Variants in AFF3 observed in about 807,000 individuals in gnomAD.
The protein encoded by AFF3 is AF4/FMR2 family member 3.
Under a neutral mutation model 129.7 loss-of-function variants are expected in AFF3, and 32 were observed. That is an observed-to-expected ratio of 0.25 (90% CI 0.19 to 0.33). The LOEUF (loss-of-function observed/expected upper bound fraction) is 0.33. Ranked by LOEUF, AFF3 falls within the 10% of genes least tolerant of loss-of-function variation. The probability of loss-of-function intolerance (pLI) is 1.00; values close to 1 mark genes in which losing one functional copy is unlikely to be tolerated. For synonymous variants in AFF3, 644 were observed against 635.4 expected, an observed-to-expected ratio of 1.01 and a Z score of -0.20; for missense variants, 1,373 against 1,592.0, an observed-to-expected ratio of 0.86 and a Z score of 2.34.
chr2:99,946,629 T>C (rs1173697482), intron 7 of AFF3, among the ~76,000 whole-genome samples: 1 of 151,998 alleles, frequency 6.6e-6, no homozygotes, highest in Non-Finnish European at 1.5e-5. Flanking sequence ...GACTGACAGT[T>C]ACCAAAATAT....
chr2:99,585,137 T>A (rs946762514), intron 16 of AFF3, among the ~76,000 whole-genome samples: 1 of 152,240 alleles, frequency 6.6e-6, no homozygotes, highest in African/African-American at 2.4e-5. Context: ...ACAGCCTGAT[T>A]ATAATTGTTT....
intron 11 of AFF3, among the ~76,000 whole-genome samples, chr2:99,711,471 G>A (rs1037370092): frequency 6.6e-6 from 1 of 152,194 alleles, no homozygotes; most frequent in Admixed American, 6.5e-5. Context: ...TATGGTCCCA[G>A]GCTGCCTGAG....
intron 20 of AFF3, among the ~76,000 whole-genome samples, chr2:99,561,380 A>G (rs984423436): frequency 6.6e-6 from 1 of 152,170 alleles, no homozygotes; most frequent in Non-Finnish European, 1.5e-5. Flanking sequence ...TCTTTGCATA[A>G]TTTTTACAGC....
intron 9 of AFF3, among the ~76,000 whole-genome samples, chr2:99,746,259 A>G (rs1376321033): frequency 6.6e-6 from 1 of 152,152 alleles, no homozygotes; most frequent in African/African-American, 2.4e-5. Context: ...ATCCATTGAA[A>G]TTGAATGAAC....
chr2:100,058,850 G>C (rs767628976), intron 4 of AFF3, among the ~76,000 whole-genome samples: 47 of 152,082 alleles, frequency 3.1e-4, no homozygotes, highest in Non-Finnish European at 6.2e-4. Flanking sequence ...GATACACACA[G>C]AATGGGAGAA....
At chr2:99,843,991 C>G (rs1374013075) in intron 7 of AFF3, among the ~76,000 whole-genome samples, 1 of 152,084 alleles carries the variant, frequency 6.6e-6, no homozygotes. Flanking sequence ...GAGTGCACCA[C>G]TGCACTCCAG....
intron 7 of AFF3, among the ~76,000 whole-genome samples, chr2:99,989,853 G>T (rs1195548794): frequency 6.6e-6 from 1 of 152,170 alleles, no homozygotes; most frequent in Non-Finnish European, 1.5e-5. Flanking sequence ...TCACTTGAAA[G>T]TAAGATCATT....
chr2:100,110,251 T>G (rs1186568452), intron 2 of AFF3: 1 of 152,210 alleles, frequency 6.6e-6, no homozygotes, highest in East Asian at 1.9e-4. Context: ...CATAAACCTT[T>G]TCTTGTTTAA....
intron 13 of AFF3, among the ~76,000 whole-genome samples, chr2:99,622,844 G>C (rs1030813326): frequency 1.3e-5 from 2 of 152,320 alleles, no homozygotes; most frequent in South Asian, 2.1e-4. Context: ...GCTGGGCATG[G>C]GCACAGGCAG....
intron 11 of AFF3, among the ~76,000 whole-genome samples, chr2:99,677,006 T>G (rs1407793353): frequency 6.6e-6 from 1 of 152,120 alleles, no homozygotes; most frequent in Non-Finnish European, 1.5e-5. Flanking sequence ...CGGTGGCTTG[T>G]TCCTGTAATC....
rs577375662 is a variant in AFF3, at chr2:99,587,348, C to T, written c.2467-70G>A. Reference sequence around the variant, plus strand: ...GGTATTATGAGTTCCCAGGCACCGACTTCCACAGAGCAAGGCCTCCTGGGA... The same window carrying T: ...GGTATTATGAGTTCCCAGGCACCGATTTCCACAGAGCAAGGCCTCCTGGGA... On this transcript the variant is annotated intron_variant, in intron 15 of 24. Transcript: ENST00000672756. The T allele has an allele frequency of 4.5e-4, 705 of 1,584,132 alleles. 5 individuals carry two copies. Among genetic ancestry groups the T allele is most frequent in the South Asian group, 1.1e-3 (95 of 87,182 alleles).
At chr2:99,978,926 G>T (rs1308525195) in intron 7 of AFF3, among the ~76,000 whole-genome samples, 1 of 150,386 alleles carries the variant, frequency 6.6e-6, no homozygotes, top group African/African-American at 2.4e-5. Flanking sequence ...CATACTCAGT[G>T]TATGGTATTT....
intron 13 of AFF3, among the ~76,000 whole-genome samples, chr2:99,603,460 C>T (rs1436727133): frequency 1.3e-5 from 2 of 152,136 alleles, no homozygotes; most frequent in Non-Finnish European, 2.9e-5. Flanking sequence ...CCCTTCCTTA[C>T]ACCATATACA....
intron 20 of AFF3, among the ~76,000 whole-genome samples, chr2:99,563,810 CAAAAAAAAAAAA>C (rs34843347): frequency 1.3e-5 from 1 of 76,078 alleles, no homozygotes; most frequent in East Asian, 4.9e-4. Flanking sequence ...AATTTAGTCT[CAAAAAAAAAAAA>C]AAAAAAAAAA....
intron 2 of AFF3, among the ~76,000 whole-genome samples, chr2:100,119,843 A>T (rs1478676690): frequency 1.3e-5 from 2 of 152,222 alleles, no homozygotes; most frequent in Non-Finnish European, 2.9e-5. Flanking sequence ...CCTTCAGTGC[A>T]TTATGGAGGA....
chr2:99,648,917 A>ACACACACACACACACC, intron 13 of AFF3, among the ~76,000 whole-genome samples: 3 of 46,870 alleles, frequency 6.4e-5, no homozygotes, highest in African/African-American at 6.5e-5. Context: ...ACACACACAC[A>ACACACACACACACACC]CTCTCTCTCT....
intron 4 of AFF3, among the ~76,000 whole-genome samples, chr2:100,070,856 A>T (rs981460003): frequency 8.1e-6 from 1 of 122,930 alleles, no homozygotes; most frequent in African/African-American, 3.6e-5. Context: ...CCCTGAAGAC[A>T]TTTTTTTCAC....
At position 99,549,153 on chromosome 2, in the gene AFF3, C is replaced by T. The variant is rs1674234194; in HGVS notation, c.*2321G>A. 1 of 221,222 alleles carries T rather than the reference C, an allele frequency of 4.5e-6. No homozygotes were observed. The highest frequency in any genetic ancestry group is 1.4e-3 in the Middle Eastern group (1 of 706). The allele number at this position is 221,222 out of a possible 1,614,324, so 13.7% of individuals were successfully genotyped here. A position where few individuals can be genotyped will look rare whatever the true frequency, so the allele number is the denominator to read the frequency against. ...GCAGGATAGACCTCCAGGGCCATCC[C>T]TTTATGTGTTTGAATATTTCATCAG... On this transcript the variant is annotated 3_prime_UTR_variant, in exon 25 of 25. Coordinates refer to ENST00000672756, the MANE Select transcript of AFF3 (RefSeq NM_001386135.1).
chr2:99,787,395 C>T (rs1472038634), intron 8 of AFF3, among the ~76,000 whole-genome samples: 1 of 152,142 alleles, frequency 6.6e-6, no homozygotes, highest in Non-Finnish European at 1.5e-5. Flanking sequence ...AGACAGGGTT[C>T]CACACCTGCG....
Sources: allele counts gnomAD v4.1 joint callset (sites outside exome capture counted in the v4.1 genomes callset), GRCh38; gene constraint gnomAD v4.1.1; transcripts MANE v1.5; gene names NCBI Gene and HGNC (gene_info 2026-07-23, HGNC 2026-07-21).